SH3RF1: variants seen among roughly 807,000 people sequenced by gnomAD.
SH3RF1 encodes SH3 domain containing ring finger 1.
In SH3RF1, 32 loss-of-function variants were observed where a neutral mutation model predicts 74.0. The observed-to-expected ratio is 0.43, with a 90% CI of 0.33 to 0.58. The LOEUF (loss-of-function observed/expected upper bound fraction) is 0.58. Among genes scored for constraint, SH3RF1 ranks in the 20% least tolerant of loss-of-function variants. SH3RF1 has a pLI of 0.05. For synonymous variants in SH3RF1, 396 were observed against 439.6 expected, an observed-to-expected ratio of 0.90 and a Z score of 1.24; for missense variants, 954 against 1,130.9, an observed-to-expected ratio of 0.84 and a Z score of 2.24.
chr4:169,127,870 T>G (rs902273955), intron 6 of SH3RF1, among the ~76,000 whole-genome samples: 1 of 152,206 alleles, frequency 6.6e-6, no homozygotes, highest in African/African-American at 2.4e-5. Flanking sequence ...TGAATATCCC[T>G]TATCCAAATG....
In SH3RF1 at chr4:169,112,317, A is replaced by AC. The variant is rs1268714919; in HGVS notation, c.2139+3951_2139+3952insG. Among the ~76,000 whole-genome samples, 5 of 152,316 alleles carry AC rather than the reference A, an allele frequency of 3.3e-5. No homozygotes were observed. In the East Asian group the frequency reaches 9.6e-4, roughly 29 times the overall value. The stretch of plus-strand genomic sequence containing the variant: ...TGAGCAAACTGCAACTTTGGATCCA[A>AC]TTCTGATCAACTAGAGGGAGGGCAG... On this transcript the variant is annotated intron_variant, in intron 10 of 11. Transcript: ENST00000284637.
At position 169,163,084 on chromosome 4, in the gene SH3RF1, G is replaced by T. The variant is rs147774891; in HGVS notation, c.394-6405C>A. On this transcript the variant is annotated intron_variant, in intron 2 of 11. Coordinates refer to ENST00000284637, the MANE Select transcript of SH3RF1 (RefSeq NM_020870.4). ...TTGCGGGGGGCATTAATGGTTTCGGGGGCAAGGTAGAGGGAGAGAAAAAAA... is the reference window on the plus strand; with the variant it reads ...TTGCGGGGGGCATTAATGGTTTCGGTGGCAAGGTAGAGGGAGAGAAAAAAA... 2.9e-3 allele frequency among the ~76,000 whole-genome samples: 408 copies of T among 139,416 alleles called. 2 individuals are homozygous for T. Among genetic ancestry groups the T allele is most frequent in the African/African-American group, 9.0e-3 (359 of 39,946 alleles). 91.5% of individuals were successfully genotyped at this position (139,416 alleles called of 152,430 possible).
intron 8 of SH3RF1, among the ~76,000 whole-genome samples, chr4:169,119,278 A>ATTT (rs11397253): frequency 0.01 from 669 of 66,386 alleles, 50 homozygotes; most frequent in East Asian, 0.098. Flanking sequence ...TAATTTTTGT[A>ATTT]TTTTTTTTTT....
chr4:169,245,840 T>C (rs1458685871), intron 2 of SH3RF1, among the ~76,000 whole-genome samples: 1 of 152,000 alleles, frequency 6.6e-6, no homozygotes, highest in East Asian at 1.9e-4. Context: ...AACAGGGGAG[T>C]ATCCGTACAA....
intron 2 of SH3RF1, among the ~76,000 whole-genome samples, chr4:169,196,262 T>C (rs1244681818): frequency 6.6e-6 from 1 of 152,238 alleles, no homozygotes; most frequent in African/African-American, 2.4e-5. Context: ...CTTAACATCA[T>C]CAACAGGTTC....
At chr4:169,245,018 G>A (rs745490819) in intron 2 of SH3RF1, among the ~76,000 whole-genome samples, 6 of 152,030 alleles carry the variant, frequency 3.9e-5, no homozygotes, top group Admixed American at 6.6e-5. Flanking sequence ...TTCTGTAAGC[G>A]GATATTCCAT....
At chr4:169,125,468 AAG>A (rs5863982) in intron 6 of SH3RF1, among the ~76,000 whole-genome samples, 1,893 of 152,260 alleles carry the variant, frequency 0.012, 139 homozygotes, top group Admixed American at 0.11. Flanking sequence ...GATCTGGCTA[AAG>A]AGAGGGGAAG....
At chr4:169,114,937 G>T (rs1342670644) in intron 10 of SH3RF1, among the ~76,000 whole-genome samples, 3 of 152,028 alleles carry the variant, frequency 2.0e-5, no homozygotes, top group Non-Finnish European at 2.9e-5. Context: ...TCCCAGAACT[G>T]GTATAGAACT....
rs115308667 is a variant in SH3RF1, at chr4:169,099,078, G to C, written c.2499-2391C>G. On this transcript the variant is annotated intron_variant, in intron 11 of 11. Coordinates refer to ENST00000284637, the MANE Select transcript of SH3RF1 (RefSeq NM_020870.4). ...GACAAACTTTAGATCAACACAGTTA[G>C]GGTTTTGGAATCCCTTCTTTGATAT... 2.5e-3 allele frequency among the ~76,000 whole-genome samples: 386 copies of C among 152,320 alleles called. 1 individual carries two copies. The highest frequency in any genetic ancestry group is 0.01 in the Middle Eastern group (3 of 292).
chr4:169,152,712 G>A lies in SH3RF1; in HGVS notation c.765+2768C>T, dbSNP rs938204736. 7.2e-5 allele frequency among the ~76,000 whole-genome samples: 11 copies of A among 152,194 alleles called. 1 individual carries two copies. Among genetic ancestry groups the A allele is most frequent in the Non-Finnish European group, 1.6e-4 (11 of 68,032 alleles). On this transcript the variant is annotated intron_variant, in intron 4 of 11. Coordinates refer to ENST00000284637, the MANE Select transcript of SH3RF1 (RefSeq NM_020870.4). Reference sequence around the variant, plus strand: ...AGATTGTGCCATTGCACTCCAGCCTGCGCAACAAGAGCGAAACTCTATCTC... The same window carrying A: ...AGATTGTGCCATTGCACTCCAGCCTACGCAACAAGAGCGAAACTCTATCTC...
chr4:169,184,576 G>C (rs1224010854), intron 2 of SH3RF1, among the ~76,000 whole-genome samples: 1 of 152,050 alleles, frequency 6.6e-6, no homozygotes, highest in Non-Finnish European at 1.5e-5. Context: ...TAAACCTAAG[G>C]ACCTTTAAAT....
intron 4 of SH3RF1, 56 bp downstream of exon 4, chr4:169,155,424 G>T: frequency 1.5e-6 from 2 of 1,366,174 alleles, no homozygotes; most frequent in Non-Finnish European, 2.1e-6. Context: ...GCATAATTAA[G>T]ATTTATTTAG....
chr4:169,251,942 T>C (rs149999509), intron 2 of SH3RF1, among the ~76,000 whole-genome samples: 169 of 152,370 alleles, frequency 1.1e-3, no homozygotes, highest in African/African-American at 3.8e-3. Flanking sequence ...CTATATTTTA[T>C]TCAGATCACC....
At chr4:169,175,048 T>C (rs188041790) in intron 2 of SH3RF1, among the ~76,000 whole-genome samples, 1 of 152,164 alleles carries the variant, frequency 6.6e-6, no homozygotes, top group African/African-American at 2.4e-5. Flanking sequence ...TGTTGGTAAA[T>C]AGCCCACTGT....
At chr4:169,260,832 T>A (rs528106064) in intron 2 of SH3RF1, among the ~76,000 whole-genome samples, 19 of 152,364 alleles carry the variant, frequency 1.2e-4, no homozygotes, top group African/African-American at 3.8e-4. Context: ...ACTGAGTTCA[T>A]GTCTGTATTT....
intron 10 of SH3RF1, among the ~76,000 whole-genome samples, chr4:169,112,422 T>C (rs767334728): frequency 2.6e-5 from 4 of 152,218 alleles, no homozygotes; most frequent in African/African-American, 9.6e-5. Flanking sequence ...AAGAGGCTGA[T>C]GATAGTCAGG....
intron 2 of SH3RF1, among the ~76,000 whole-genome samples, chr4:169,264,613 G>A (rs983007217): frequency 1.3e-5 from 2 of 152,070 alleles, no homozygotes; most frequent in African/African-American, 2.4e-5. Context: ...TTTCTTTCCC[G>A]ATCTCTCCAT....
At chr4:169,133,307 T>C (rs1224865028) in intron 5 of SH3RF1, among the ~76,000 whole-genome samples, 2 of 152,080 alleles carry the variant, frequency 1.3e-5, no homozygotes, top group African/African-American at 4.8e-5. Context: ...ATCCTAACTA[T>C]ACTAAAAAAC....
At chr4:169,226,332 C>T (rs1341624055) in intron 2 of SH3RF1, among the ~76,000 whole-genome samples, 1 of 152,182 alleles carries the variant, frequency 6.6e-6, no homozygotes, top group Non-Finnish European at 1.5e-5. Context: ...AATTCAGTTG[C>T]AAATTCATAA....
Sources: allele counts gnomAD v4.1 joint callset (sites outside exome capture counted in the v4.1 genomes callset), GRCh38; gene constraint gnomAD v4.1.1; transcripts MANE v1.5; gene names NCBI Gene and HGNC (gene_info 2026-07-23, HGNC 2026-07-21).